The following GRM5 variants were observed in gnomAD, a reference collection of about 807,000 sequenced individuals.
GRM5 encodes glutamate metabotropic receptor 5.
In GRM5, 19 loss-of-function variants were observed where a neutral mutation model predicts 83.1. The observed-to-expected ratio is 0.23, with a 90% CI of 0.16 to 0.34. The LOEUF is 0.34. Ranked by LOEUF, GRM5 falls within the 10% of genes least tolerant of loss-of-function variation. The pLI is 1.00. For missense variants in GRM5, 1,160 were observed against 1,588.3 expected (o/e 0.73, Z 4.58); for synonymous variants, 675 against 633.6 (o/e 1.07, Z -0.98).
intron 4 of GRM5, among the ~76,000 whole-genome samples, chr11:88,626,059 A>G (rs909049080): frequency 6.6e-6 from 1 of 152,118 alleles, no homozygotes; most frequent in Admixed American, 6.6e-5. Context: ...CTAAACTTTC[A>G]CAGACATACT....
At chr11:88,517,502 GA>G (rs1941554669) in intron 9 of GRM5, among the ~76,000 whole-genome samples, 1 of 152,210 alleles carries the variant, frequency 6.6e-6, no homozygotes, top group East Asian at 1.9e-4. Flanking sequence ...TTAAACATGG[GA>G]TTAGATAAAA....
chr11:88,847,646 T>C (rs1590908763), intron 3 of GRM5, among the ~76,000 whole-genome samples: 1 of 152,080 alleles, frequency 6.6e-6, no homozygotes, highest in African/African-American at 2.4e-5. Context: ...GTTTTAAAAT[T>C]TGGAGTAAGG....
chr11:88,743,899 A>C (rs1041330895), intron 3 of GRM5, among the ~76,000 whole-genome samples: 5 of 152,274 alleles, frequency 3.3e-5, no homozygotes, highest in African/African-American at 1.2e-4. Context: ...ATTGCAGTTA[A>C]TTGTCAATGG....
intron 3 of GRM5, among the ~76,000 whole-genome samples, chr11:88,735,278 C>A (rs758828524): frequency 1.3e-5 from 2 of 152,032 alleles, no homozygotes; most frequent in African/African-American, 2.4e-5. Flanking sequence ...GCTTCTCTGG[C>A]ACTTTGTGGT....
chr11:89,000,496 A>G (rs1201556629), intron 2 of GRM5, among the ~76,000 whole-genome samples: 1 of 152,202 alleles, frequency 6.6e-6, no homozygotes. Flanking sequence ...GGAGTAAGTC[A>G]TCATCAGTGG....
At chr11:88,624,588 G>A (rs1331223158) in intron 4 of GRM5, among the ~76,000 whole-genome samples, 1 of 152,232 alleles carries the variant, frequency 6.6e-6, no homozygotes, top group South Asian at 2.1e-4. Context: ...GGACCAAGAC[G>A]GGAGGATCTC....
chr11:88,788,495 C>A (rs1037778664), intron 3 of GRM5, among the ~76,000 whole-genome samples: 41 of 152,042 alleles, frequency 2.7e-4, no homozygotes, highest in Admixed American at 2.4e-3. Context: ...CCAATAATTC[C>A]ATTTACCAAA....
chr11:88,798,964 G>T lies in GRM5; in HGVS notation c.911+50942C>A, dbSNP rs532356811. Among the ~76,000 whole-genome samples, 4 of 152,008 alleles carry T rather than the reference G, an allele frequency of 2.6e-5. No homozygotes were observed. In the East Asian group the frequency reaches 7.7e-4, roughly 29 times the overall value. ...TCTAGATGTATGTTAAATTAAAAAGGTATAAAGAAAAAATAAAAGCTTTTG... is the reference window on the plus strand; with the variant it reads ...TCTAGATGTATGTTAAATTAAAAAGTTATAAAGAAAAAATAAAAGCTTTTG... On this transcript the variant is annotated intron_variant, in intron 3 of 9. Coordinates refer to ENST00000305447, the MANE Select transcript of GRM5 (RefSeq NM_001143831.3).
In GRM5 at chr11:88,883,496, G is replaced by T. The variant is rs147057495; in HGVS notation, c.662-33341C>A. ...GTGGAAGAAATTTCTAAGCAGCAAAGAATTCAAGAGGTGACAGGGCATAAA... is the reference window on the plus strand; with the variant it reads ...GTGGAAGAAATTTCTAAGCAGCAAATAATTCAAGAGGTGACAGGGCATAAA... On this transcript the variant is annotated intron_variant, in intron 2 of 9. Transcript: ENST00000305447. 5.2e-3 allele frequency among the ~76,000 whole-genome samples: 791 copies of T among 152,264 alleles called. 16 individuals are homozygous for T. The East Asian group carries it at 0.071, about 14-fold the overall frequency.
chr11:88,994,621 A>AAC (rs915684057), intron 2 of GRM5, among the ~76,000 whole-genome samples: 3 of 149,376 alleles, frequency 2.0e-5, no homozygotes, highest in African/African-American at 7.3e-5. Flanking sequence ...AAAAAAAAAA[A>AAC]AAAAAACAGT....
intron 4 of GRM5, among the ~76,000 whole-genome samples, chr11:88,630,648 G>A (rs183887862): frequency 6.6e-6 from 1 of 151,434 alleles, no homozygotes; most frequent in Admixed American, 6.6e-5. Flanking sequence ...GTGCGATCTT[G>A]GCTCACTGCA....
chr11:88,851,764 A>G lies in GRM5; in HGVS notation c.662-1609T>C, dbSNP rs569056988. On this transcript the variant is annotated intron_variant, in intron 2 of 9. Transcript: ENST00000305447. ...ATGAACAAACTGCAAAGGGCAGAGC[A>G]GAGCAGGTCAGCTTGAATCTCAGCC... Among the ~76,000 whole-genome samples, 111 of 152,356 alleles carry G rather than the reference A, an allele frequency of 7.3e-4. 2 individuals are homozygous for G. Among genetic ancestry groups the G allele is most frequent in the African/African-American group, 2.5e-3 (105 of 41,588 alleles).
intron 3 of GRM5, among the ~76,000 whole-genome samples, chr11:88,708,904 A>G (rs542642574): frequency 6.6e-5 from 10 of 152,266 alleles, no homozygotes; most frequent in African/African-American, 2.4e-4. Context: ...GTAGGAACTA[A>G]GTTACAGAAG....
intron 3 of GRM5, among the ~76,000 whole-genome samples, chr11:88,753,131 T>G (rs1168081758): frequency 6.6e-6 from 1 of 152,124 alleles, no homozygotes; most frequent in African/African-American, 2.4e-5. Flanking sequence ...CTAAAGAGCT[T>G]CTTCAGAGCA....
chr11:88,705,641 CA>C (rs1941137161), intron 3 of GRM5, among the ~76,000 whole-genome samples: 1 of 150,834 alleles, frequency 6.6e-6, no homozygotes, highest in African/African-American at 2.4e-5. Flanking sequence ...TGCTGCCATT[CA>C]TCATCGACTG....
chr11:88,685,928 G>A (rs1940610420), intron 3 of GRM5, among the ~76,000 whole-genome samples: 1 of 152,216 alleles, frequency 6.6e-6, no homozygotes, highest in African/African-American at 2.4e-5. Context: ...TGCTAGGACA[G>A]TGCAGAAGAG....
At chr11:88,948,926 A>G (rs1360133132) in intron 2 of GRM5, among the ~76,000 whole-genome samples, 10 of 152,256 alleles carry the variant, frequency 6.6e-5, no homozygotes, top group African/African-American at 2.4e-4. Context: ...TGTGTTCAAA[A>G]GAGGCAACAG....
chr11:88,712,639 G>T (rs1427352267), intron 3 of GRM5, among the ~76,000 whole-genome samples: 1 of 151,930 alleles, frequency 6.6e-6, no homozygotes, highest in African/African-American at 2.4e-5. Flanking sequence ...AATGAATACT[G>T]TTCGTAGTTT....
At chr11:88,746,376 C>T (rs1257103152) in intron 3 of GRM5, among the ~76,000 whole-genome samples, 1 of 152,004 alleles carries the variant, frequency 6.6e-6, no homozygotes, top group Admixed American at 6.6e-5. Flanking sequence ...CAATAATATG[C>T]TTGACAACAG....
Sources: allele counts gnomAD v4.1 joint callset (sites outside exome capture counted in the v4.1 genomes callset), GRCh38; gene constraint gnomAD v4.1.1; transcripts MANE v1.5; gene names NCBI Gene and HGNC (gene_info 2026-07-23, HGNC 2026-07-21).